RBFOX1: variants seen among roughly 807,000 people sequenced by gnomAD.
The protein encoded by RBFOX1 is RNA binding fox-1 homolog 1.
Under a neutral mutation model 57.7 loss-of-function variants are expected in RBFOX1, and 8 were observed. The observed-to-expected ratio is 0.14, with a 90% CI of 0.08 to 0.25. The LOEUF (loss-of-function observed/expected upper bound fraction) is 0.25. RBFOX1 is among the 10% of genes least tolerant of loss of function. The probability of loss-of-function intolerance (pLI) is 1.00; values close to 1 mark genes in which losing one functional copy is unlikely to be tolerated. For missense variants in RBFOX1, 611 were observed against 548.5 expected (o/e 1.11, Z -1.14); for synonymous variants, 326 against 222.4 (o/e 1.47, Z -4.15).
intron 3 of RBFOX1, among the ~76,000 whole-genome samples, chr16:5,731,628 A>G (rs368565023): frequency 1.2e-4 from 18 of 152,312 alleles, no homozygotes; most frequent in African/African-American, 4.1e-4. Context: ...TCTCTCTTAG[A>G]GGCAAGGTGA....
chr16:5,321,123 G>A (rs2151248716), intron 1 of RBFOX1, among the ~76,000 whole-genome samples: 1 of 152,320 alleles, frequency 6.6e-6, no homozygotes, highest in African/African-American at 2.4e-5. Context: ...AGTTTCCCAA[G>A]CTCAGTACTA....
At chr16:7,123,794 T>C (rs1406704743) in intron 4 of RBFOX1, among the ~76,000 whole-genome samples, 1 of 152,184 alleles carries the variant, frequency 6.6e-6, no homozygotes, top group Non-Finnish European at 1.5e-5. Context: ...ATAAAGTACA[T>C]TGTTTTATAT....
At chr16:6,866,539 C>CTCTTTTTTTTTTTTTTTT (rs1161474639) in intron 3 of RBFOX1, among the ~76,000 whole-genome samples, 1 of 49,090 alleles carries the variant, frequency 2.0e-5, no homozygotes, top group Non-Finnish European at 3.6e-5. Context: ...TTCTTTCCTT[C>CTCTTTTTTTTTTTTTTTT]TATTTTTTTT....
chr16:6,114,592 C>G (rs1281644781), intron 1 of RBFOX1, among the ~76,000 whole-genome samples: 3 of 152,160 alleles, frequency 2.0e-5, no homozygotes, highest in African/African-American at 7.2e-5. Flanking sequence ...TTATGGACTA[C>G]TAACACTGCC....
At position 6,031,517 on chromosome 16, in the gene RBFOX1, G is replaced by C. The variant is rs143335509; in HGVS notation, c.-127+11525G>C. The stretch of plus-strand genomic sequence containing the variant: ...ACCATGCCAGAAAAGCAATGTGTGT[G>C]CCTCTGTGTGTGCATGTGTAGATGT... On this transcript the variant is annotated intron_variant, in intron 1 of 15. Coordinates refer to ENST00000550418, the MANE Select transcript of RBFOX1 (RefSeq NM_018723.4). Among the ~76,000 whole-genome samples, 279 of 152,350 alleles carry C rather than the reference G, an allele frequency of 1.8e-3. 2 individuals are homozygous for C. The highest frequency in any genetic ancestry group is 6.5e-3 in the African/African-American group (271 of 41,590).
At chr16:7,560,862 G>A (rs2090165183) in intron 5 of RBFOX1, among the ~76,000 whole-genome samples, 1 of 152,206 alleles carries the variant, frequency 6.6e-6, no homozygotes, top group Non-Finnish European at 1.5e-5. Context: ...CTGCTAATGT[G>A]TGACTGCTGA....
chr16:6,518,698 T>C (rs1567530797), intron 2 of RBFOX1, among the ~76,000 whole-genome samples: 1 of 152,132 alleles, frequency 6.6e-6, no homozygotes, highest in Admixed American at 6.6e-5. Context: ...TCTATGTATG[T>C]ATCTGTCCAT....
intron 1 of RBFOX1, among the ~76,000 whole-genome samples, chr16:5,336,902 T>C (rs1258122557): frequency 6.6e-6 from 1 of 152,332 alleles, no homozygotes; most frequent in East Asian, 1.9e-4. Flanking sequence ...CGTCTCCCAC[T>C]GGGGACACAA....
At chr16:5,552,853 G>A (rs1048362369) in intron 2 of RBFOX1, among the ~76,000 whole-genome samples, 9 of 152,118 alleles carry the variant, frequency 5.9e-5, no homozygotes, top group Admixed American at 5.9e-4. Flanking sequence ...GAGGGAAAAG[G>A]GAGAAGGTCA....
chr16:6,048,294 A>C (rs12928867), intron 1 of RBFOX1, among the ~76,000 whole-genome samples: 1 of 151,958 alleles, frequency 6.6e-6, no homozygotes, highest in Non-Finnish European at 1.5e-5. Context: ...ATGCCCTTCA[A>C]ATAGTATTCT....
At chr16:6,853,057 A>T (rs2094154844) in intron 3 of RBFOX1, among the ~76,000 whole-genome samples, 2 of 152,156 alleles carry the variant, frequency 1.3e-5, no homozygotes, top group Non-Finnish European at 2.9e-5. Context: ...GGCAACCCAG[A>T]GACAGCCTCT....
intron 3 of RBFOX1, among the ~76,000 whole-genome samples, chr16:6,881,031 C>T (rs1202634804): frequency 1.3e-5 from 2 of 152,214 alleles, no homozygotes; most frequent in African/African-American, 2.4e-5. Context: ...TACCCTCCAC[C>T]TTCCCCTCCT....
intron 2 of RBFOX1, among the ~76,000 whole-genome samples, chr16:6,452,660 T>G (rs747455820): frequency 3.9e-4 from 59 of 152,188 alleles, no homozygotes; most frequent in Non-Finnish European, 8.2e-4. Context: ...CAATAGGGAT[T>G]GATGGGAGCT....
intron 3 of RBFOX1, among the ~76,000 whole-genome samples, chr16:6,705,756 G>T (rs1254061139): frequency 6.6e-6 from 1 of 152,174 alleles, no homozygotes; most frequent in African/African-American, 2.4e-5. Flanking sequence ...GGTGGCTTAA[G>T]CCTGTAATCC....
intron 3 of RBFOX1, among the ~76,000 whole-genome samples, chr16:6,750,517 G>C (rs968986634): frequency 6.6e-6 from 1 of 152,202 alleles, no homozygotes; most frequent in African/African-American, 2.4e-5. Context: ...GCTGTTAACA[G>C]CAGTTTATCA....
At chr16:6,800,762 G>A (rs1424579882) in intron 3 of RBFOX1, among the ~76,000 whole-genome samples, 1 of 152,106 alleles carries the variant, frequency 6.6e-6, no homozygotes, top group Non-Finnish European at 1.5e-5. Flanking sequence ...AGGGTCTCTA[G>A]AAAGCAGTAG....
At chr16:5,917,754 A>G (rs2058740277) in intron 4 of RBFOX1, among the ~76,000 whole-genome samples, 1 of 152,098 alleles carries the variant, frequency 6.6e-6, no homozygotes, top group East Asian at 1.9e-4. Flanking sequence ...CCTCAAATGT[A>G]TTTTTTAATG....
intron 1 of RBFOX1, among the ~76,000 whole-genome samples, chr16:6,022,343 T>G (rs2095098409): frequency 6.6e-6 from 1 of 152,128 alleles, no homozygotes; most frequent in African/African-American, 2.4e-5. Flanking sequence ...AGTGGCTTTA[T>G]CATTCCTCCT....
intron 1 of RBFOX1, among the ~76,000 whole-genome samples, chr16:6,122,596 C>T (rs927692564): frequency 2.0e-5 from 3 of 152,122 alleles, no homozygotes; most frequent in Non-Finnish European, 4.4e-5. Context: ...CTAGGCCTTC[C>T]GTGTGACACC....
Sources: gnomAD v4.1 joint callset for allele counts (sites outside exome capture counted in the v4.1 genomes callset) on GRCh38, gnomAD v4.1.1 for gene constraint, MANE v1.5 for transcripts, NCBI Gene and HGNC (gene_info 2026-07-23, HGNC 2026-07-21) for gene names.